ARHGAP31: variants seen among roughly 807,000 people sequenced by gnomAD.
The protein encoded by ARHGAP31 is Rho GTPase activating protein 31, also known as rho GTPase-activating protein 31.
A neutral mutation model predicts 113.9 loss-of-function variants in ARHGAP31; 34 were observed. The observed-to-expected ratio is 0.30, with a 90% CI of 0.23 to 0.40. The LOEUF (loss-of-function observed/expected upper bound fraction) is 0.40. Among genes scored for constraint, ARHGAP31 ranks in the 10% least tolerant of loss-of-function variants. The probability of loss-of-function intolerance (pLI) is 1.00; values close to 1 mark genes in which losing one functional copy is unlikely to be tolerated. For synonymous variants in ARHGAP31, 650 were observed against 684.8 expected, an observed-to-expected ratio of 0.95 and a Z score of 0.79; for missense variants, 1,548 against 1,767.1, an observed-to-expected ratio of 0.88 and a Z score of 2.22.
rs2080804487 is a variant in ARHGAP31 at position 119,419,371 on chromosome 3, GAAC to G, written c.*3110_*3112del. On this transcript the variant is annotated 3_prime_UTR_variant, in exon 12 of 12. Transcript: ENST00000264245. ...CTACACTTGGAATATGAAGAAATCT[GAAC>G]AAGAACCCCATTAAGACACCTAACC... 6.6e-6 allele frequency: 1 copy of G among 152,130 alleles called. No homozygotes were observed. Among genetic ancestry groups the G allele is most frequent in the South Asian group, 2.1e-4 (1 of 4,816 alleles). 9.4% of individuals were successfully genotyped at this position (152,130 alleles called of 1,614,324 possible). A position where few individuals can be genotyped will look rare whatever the true frequency, so the allele number is the denominator to read the frequency against.
chr3:119,322,900 T>G (rs2107603310), intron 1 of ARHGAP31: 1 of 153,676 alleles, frequency 6.5e-6, no homozygotes, highest in Admixed American at 6.5e-5. Context: ...TGCCCTCTGC[T>G]GGGCTCCTTC....
chr3:119,370,266 T>A (rs2080287055), intron 3 of ARHGAP31, among the ~76,000 whole-genome samples: 1 of 152,174 alleles, frequency 6.6e-6, no homozygotes, highest in South Asian at 2.1e-4. Context: ...TGGTTAAGAG[T>A]AATCCTATTT....
intron 4 of ARHGAP31, among the ~76,000 whole-genome samples, chr3:119,381,949 G>A (rs1442911194): frequency 7.1e-6 from 1 of 140,518 alleles, no homozygotes; most frequent in Non-Finnish European, 1.5e-5. Context: ...TCGCGCCACT[G>A]CACTCCAGCC....
chr3:119,330,150 G>C (rs2079880293), intron 1 of ARHGAP31, among the ~76,000 whole-genome samples: 1 of 152,224 alleles, frequency 6.6e-6, no homozygotes, highest in African/African-American at 2.4e-5. Flanking sequence ...GAAGCTCAAA[G>C]GCAGGAGCTG....
At chr3:119,348,131 C>A (rs1240338197) in intron 1 of ARHGAP31, among the ~76,000 whole-genome samples, 1 of 152,150 alleles carries the variant, frequency 6.6e-6, no homozygotes, top group African/African-American at 2.4e-5. Context: ...TTTGTAGGAG[C>A]CTGAACACAA....
At chr3:119,316,769 G>C (rs1041113654) in intron 1 of ARHGAP31, among the ~76,000 whole-genome samples, 1 of 152,226 alleles carries the variant, frequency 6.6e-6, no homozygotes, top group East Asian at 1.9e-4. Flanking sequence ...TTCAGCCAAA[G>C]AACTCTGCTT....
chr3:119,366,419 A>C (rs1357002015), intron 2 of ARHGAP31, among the ~76,000 whole-genome samples: 1 of 152,148 alleles, frequency 6.6e-6, no homozygotes, highest in Admixed American at 6.5e-5. Context: ...CCAAAAAAAT[A>C]GAGCATCTTT....
At chr3:119,412,054 C>T (rs548072435) in intron 11 of ARHGAP31, among the ~76,000 whole-genome samples, 37 of 152,302 alleles carry the variant, frequency 2.4e-4, no homozygotes, top group Middle Eastern at 3.4e-3. Context: ...ATTCGTCCCC[C>T]GGCTGCCTCG....
intron 1 of ARHGAP31, among the ~76,000 whole-genome samples, chr3:119,307,939 G>GAAAAAAAAAAAAAAAAAAAAA (rs1559961514): frequency 1.2e-3 from 2 of 1,648 alleles, no homozygotes; most frequent in African/African-American, 1.7e-3. Context: ...TGAATTAACA[G>GAAAAAAAAAAAAAAAAAAAAA]CAAAAAAAAA....
chr3:119,365,285 C>T (rs768690142), intron 1 of ARHGAP31, 31 bp from the exon 2 acceptor site: 6 of 1,573,582 alleles, frequency 3.8e-6, no homozygotes, highest in Non-Finnish European at 5.2e-6. Flanking sequence ...ACATCTAATA[C>T]TTAATTGTTT....
In ARHGAP31 at chr3:119,420,571, T is replaced by A. The variant is rs2080811973; in HGVS notation, c.*4307T>A. The A allele has an allele frequency of 6.6e-6, 1 of 152,090 alleles. No individual in the cohort carries two copies. Among genetic ancestry groups the A allele is most frequent in the African/African-American group, 2.4e-5 (1 of 41,414 alleles). 9.4% of individuals were successfully genotyped at this position (152,090 alleles called of 1,614,324 possible). ...TGCAGAGATTACTTTTCTGTGAGGG[T>A]AAGGGGGACGTAGCTAAATATAAGA... On this transcript the variant is annotated 3_prime_UTR_variant, in exon 12 of 12. Coordinates refer to ENST00000264245, the MANE Select transcript of ARHGAP31 (RefSeq NM_020754.4).
intron 1 of ARHGAP31, among the ~76,000 whole-genome samples, chr3:119,297,946 C>CT (rs2079547887): frequency 8.0e-6 from 1 of 125,678 alleles, no homozygotes. Flanking sequence ...ACACACACAC[C>CT]GTGTATGCAA....
At chr3:119,397,759 G>C (rs747485702) in intron 8 of ARHGAP31, among the ~76,000 whole-genome samples, 8 of 152,202 alleles carry the variant, frequency 5.3e-5, no homozygotes, top group Admixed American at 6.5e-5. Flanking sequence ...AAACAAGCTT[G>C]AGTTACAGCT....
Position 119,294,440 on chromosome 3 carries a change from G to A in ARHGAP31, c.-465G>A. 1 of 404,918 alleles carries A rather than the reference G, an allele frequency of 2.5e-6. No individual in the cohort carries two copies. The highest frequency in any genetic ancestry group is 4.3e-6 in the Non-Finnish European group (1 of 231,038). The allele number at this position is 404,918 out of a possible 1,614,324, so 25.1% of individuals were successfully genotyped here. On this transcript the variant is annotated 5_prime_UTR_variant, in exon 1 of 12. Coordinates refer to ENST00000264245, the MANE Select transcript of ARHGAP31 (RefSeq NM_020754.4). The stretch of plus-strand genomic sequence containing the variant: ...GCTTGTTTTTCGCTCTACCAAAGTC[G>A]TCTGAAGGCGAGACAGCGGGCCCAG...
chr3:119,304,521 G>T (rs1359070870), intron 1 of ARHGAP31, among the ~76,000 whole-genome samples: 1 of 152,150 alleles, frequency 6.6e-6, no homozygotes, highest in African/African-American at 2.4e-5. Context: ...TGCACCCTGG[G>T]GAAGAAGGGG....
rs1346420808 is a variant in ARHGAP31 at position 119,415,463 on chromosome 3, A to G, written c.3534A>G (p.Ser1178=). ...ATGCACTGACAGGCCGCCGTAACTCAGCTCCTGTGAGTGTGTCAGCTGTGA... is the reference window on the plus strand; with the variant it reads ...ATGCACTGACAGGCCGCCGTAACTCGGCTCCTGTGAGTGTGTCAGCTGTGA... The part of the protein sequence containing the change: ...VAHALTGRRN[S]APVSVSAVRT... The change falls in exon 12 of 12, where the codon TCA becomes TCG. Residue 1178 remains serine (S), a synonymous_variant. Coordinates refer to ENST00000264245, the MANE Select transcript of ARHGAP31 (RefSeq NM_020754.4). 1 of 1,613,908 alleles carries G rather than the reference A, an allele frequency of 6.2e-7. No homozygotes were observed. The highest frequency in any genetic ancestry group is 2.2e-5 in the East Asian group (1 of 44,894).
intron 10 of ARHGAP31, among the ~76,000 whole-genome samples, chr3:119,406,192 A>G (rs2080659001): frequency 6.6e-6 from 1 of 152,168 alleles, no homozygotes; most frequent in African/African-American, 2.4e-5. Context: ...CAAGGGAGTG[A>G]GTGATAGGTA....
At chr3:119,398,197 G>C (rs1257336890) in intron 8 of ARHGAP31, among the ~76,000 whole-genome samples, 1 of 152,082 alleles carries the variant, frequency 6.6e-6, no homozygotes, top group Admixed American at 6.5e-5. Context: ...AACCCAGGAG[G>C]TTGAGGCTGT....
At position 119,332,635 on chromosome 3, in the gene ARHGAP31, T is replaced by TCACACACA. The variant is rs71156743; in HGVS notation, c.101-32647_101-32640dup. On this transcript the variant is annotated intron_variant, in intron 1 of 11. Coordinates refer to ENST00000264245, the MANE Select transcript of ARHGAP31 (RefSeq NM_020754.4). The stretch of plus-strand genomic sequence containing the variant: ...CTCTCTCTCTCTCTCTCTCTCTCTC[T>TCACACACA]CACACACACACACACACACACACAC... Among the ~76,000 whole-genome samples, 471 of 85,692 alleles carry TCACACACA rather than the reference T, an allele frequency of 5.5e-3. 6 individuals are homozygous for TCACACACA. The highest frequency in any genetic ancestry group is 0.032 in the Middle Eastern group (5 of 156). 56.2% of individuals were successfully genotyped at this position (85,692 alleles called of 152,430 possible).
Sources: allele counts gnomAD v4.1 joint callset (sites outside exome capture counted in the v4.1 genomes callset), GRCh38; gene constraint gnomAD v4.1.1; transcripts MANE v1.5; gene names NCBI Gene and HGNC (gene_info 2026-07-23, HGNC 2026-07-21).